The following ITGB3BP variants were observed in gnomAD, a reference collection of about 807,000 sequenced individuals.
ITGB3BP encodes integrin subunit beta 3 binding protein, also known as centromere protein R.
In ITGB3BP, 27 loss-of-function variants were observed where a neutral mutation model predicts 29.1. The observed-to-expected ratio is 0.93, with a 90% confidence interval of 0.68 to 1.28. The LOEUF (loss-of-function observed/expected upper bound fraction) is 1.28, where lower values mean the gene tolerates loss of function less well. ITGB3BP is among the 50% of genes most tolerant of loss of function. The pLI, the probability that ITGB3BP is intolerant of heterozygous loss-of-function variation, is 0.00. For missense variants in ITGB3BP, 192 were observed against 200.2 expected, an observed-to-expected ratio of 0.96 and a Z score of 0.25; for synonymous variants, 61 against 61.4, an observed-to-expected ratio of 0.99 and a Z score of 0.03.
intron 8 of ITGB3BP, among the ~76,000 whole-genome samples, chr1:63,445,072 G>A (rs761340995): frequency 6.6e-6 from 1 of 152,058 alleles, no homozygotes; most frequent in Non-Finnish European, 1.5e-5. Flanking sequence ...ATCACTTGAG[G>A]TTAGGAGTTC....
At position 63,454,500 on chromosome 1, in the gene ITGB3BP, T is replaced by A. The variant is rs1444216032; in HGVS notation, c.334-27A>T. On this transcript the variant is annotated intron_variant, in intron 5 of 8. Coordinates refer to ENST00000271002, the MANE Select transcript of ITGB3BP (RefSeq NM_014288.5). This position sits in a 1 kb window ranked among gnomAD's most constrained non-coding sequence, Gnocchi z 4.1. ...TACAAGAAAGTCATCTTGAATGAGT[T>A]AAGTTCTCTACACACATGAGATTAC... 3 of 1,156,776 alleles carry A rather than the reference T, an allele frequency of 2.6e-6. No homozygotes were observed. Among genetic ancestry groups the A allele is most frequent in the Non-Finnish European group, 3.9e-6 (3 of 776,198 alleles). The allele number at this position is 1,156,776 out of a possible 1,614,324, so 71.7% of individuals were successfully genotyped here.
chr1:63,473,454 C>T (rs1260393553), intron 4 of ITGB3BP, among the ~76,000 whole-genome samples: 1 of 144,648 alleles, frequency 6.9e-6, no homozygotes, highest in Non-Finnish European at 1.5e-5. Context: ...CGGCCAGTCG[C>T]CCCGTCCAGG....
Position 63,454,896 on chromosome 1 carries a change from A to G in ITGB3BP, c.327T>C (p.Ser109=), listed in dbSNP as rs370919021. 6 of 1,493,706 alleles carry G rather than the reference A, an allele frequency of 4.0e-6. No homozygotes were observed. The highest frequency in any genetic ancestry group is 5.6e-6 in the Non-Finnish European group (6 of 1,072,942). The allele number at this position is 1,493,706 out of a possible 1,614,324, so 92.5% of individuals were successfully genotyped here. A position where few individuals can be genotyped will look rare whatever the true frequency, so the allele number is the denominator to read the frequency against. The change falls in exon 5 of 9, where the codon AGT becomes AGC. Residue 109 remains serine, a synonymous_variant. Coordinates refer to ENST00000271002, the MANE Select transcript of ITGB3BP (RefSeq NM_014288.5). The surrounding 1 kb of genome is among the most constrained non-coding windows in gnomAD (Gnocchi z 4.1). ...EIMEIMQNLS[S]IQALEGSREL... is the part of the protein sequence containing the mutation. ...AGTATGAAAAAATGCAAACCTGTATACTACTTAAATTTTGCATTATCTCCA... is the reference window on the plus strand; with the variant it reads ...AGTATGAAAAAATGCAAACCTGTATGCTACTTAAATTTTGCATTATCTCCA...
chr1:63,519,964 C>T (rs1194758233), intron 1 of ITGB3BP, among the ~76,000 whole-genome samples: 1 of 152,082 alleles, frequency 6.6e-6, no homozygotes, highest in East Asian at 1.9e-4. Flanking sequence ...AACTTTATAG[C>T]TTTAGTTCAG....
At chr1:63,472,606 G>A (rs1464527406) in intron 4 of ITGB3BP, among the ~76,000 whole-genome samples, 11 of 149,930 alleles carry the variant, frequency 7.3e-5, no homozygotes, top group African/African-American at 2.2e-4. Context: ...GAGTGCCTGC[G>A]ATTGCAGGCG....
chr1:63,460,681 T>C (rs1645002321), intron 4 of ITGB3BP, among the ~76,000 whole-genome samples: 1 of 152,208 alleles, frequency 6.6e-6, no homozygotes, highest in African/African-American at 2.4e-5. Flanking sequence ...CTTGGTCTTA[T>C]GGTAATTATA....
chr1:63,496,891 G>A (rs541006252), intron 2 of ITGB3BP, among the ~76,000 whole-genome samples: 10 of 152,298 alleles, frequency 6.6e-5, no homozygotes, highest in Middle Eastern at 3.4e-3. Flanking sequence ...GGCCTAGAGA[G>A]GAACAAGGTT....
chr1:63,499,809 C>G (rs1645880199), intron 2 of ITGB3BP, among the ~76,000 whole-genome samples: 1 of 152,114 alleles, frequency 6.6e-6, no homozygotes, highest in South Asian at 2.1e-4. Context: ...TAAAAACACT[C>G]AACAGACTAG....
In ITGB3BP at chr1:63,454,438, A is replaced by C. The variant is rs1644904038; in HGVS notation, c.369T>G (p.Ile123Met). The change falls in exon 6 of 9, where the codon ATT becomes ATG. Residue 123 changes from isoleucine to methionine, a missense_variant. Physicochemically the swap from Ile to Met is conservative, Grantham distance 10. Transcript: ENST00000271002. The surrounding 1 kb of genome is among the most constrained non-coding windows in gnomAD (Gnocchi z 4.1). ...AGAAATGTGATGCACAGGAGATTCC[A>C]ATGAGATTTTCAAGCTCTCTACTGC... ...LEGSRELENL[I>M]GISCASHFLK... 1.9e-6 allele frequency: 3 copies of C among 1,602,744 alleles called. No homozygotes were observed. In the African/African-American group the frequency reaches 4.0e-5, roughly 22 times the overall value.
chr1:63,484,280 T>C (rs1645488621), intron 3 of ITGB3BP, among the ~76,000 whole-genome samples: 1 of 152,078 alleles, frequency 6.6e-6, no homozygotes. Flanking sequence ...TATATGCAAA[T>C]ACTATACTAT....
intron 1 of ITGB3BP, 103 bp downstream of exon 1, chr1:63,523,026 C>T: frequency 1.4e-6 from 2 of 1,412,074 alleles, no homozygotes; most frequent in Non-Finnish European, 2.0e-6. Flanking sequence ...CAAGTTCATA[C>T]TCCGAAAAAA....
At chr1:63,474,499 G>C (rs1645293726) in intron 4 of ITGB3BP, among the ~76,000 whole-genome samples, 2 of 151,272 alleles carry the variant, frequency 1.3e-5, no homozygotes, top group South Asian at 2.1e-4. Context: ...TGGTTGCCGG[G>C]TCTGTGTGGA....
At position 63,523,125 on chromosome 1, in the gene ITGB3BP, C is replaced by T. The variant is rs780080725; in HGVS notation, c.5+4G>A. ...ACAGCAATACCTGGGGAGGAGATAC[C>T]TACGGCATTCTGAGATTCGGGAAAG... On this transcript the variant is annotated splice_donor_region_variant and intron_variant, in intron 1 of 8. Transcript: ENST00000271002. 1 of 1,614,174 alleles carries T rather than the reference C, an allele frequency of 6.2e-7. No homozygotes were observed. Among genetic ancestry groups the T allele is most frequent in the Non-Finnish European group, 8.5e-7 (1 of 1,180,020 alleles).
At chr1:63,526,390 C>A (rs891138595), upstream of ITGB3BP, among the ~76,000 whole-genome samples, 1 of 152,126 alleles carries the variant, frequency 6.6e-6, no homozygotes, top group Non-Finnish European at 1.5e-5. Context: ...ATAACACTGA[C>A]TACTCATGTC....
At chr1:63,443,012 T>C (rs1644748414) in intron 8 of ITGB3BP, 1 of 152,292 alleles carries the variant, frequency 6.6e-6, no homozygotes, top group Non-Finnish European at 1.5e-5. Flanking sequence ...TTCTCTCTTA[T>C]TCTAGCATTG....
At chr1:63,441,443 G>A (rs927684443) in intron 8 of ITGB3BP, among the ~76,000 whole-genome samples, 4 of 151,996 alleles carry the variant, frequency 2.6e-5, no homozygotes, top group Non-Finnish European at 4.4e-5. Flanking sequence ...TCACTATGTT[G>A]GCCAGGCTGG....
intron 4 of ITGB3BP, among the ~76,000 whole-genome samples, chr1:63,466,208 C>T (rs577089549): frequency 6.6e-6 from 1 of 152,188 alleles, no homozygotes; most frequent in Non-Finnish European, 1.5e-5. Flanking sequence ...AAGACAGAGA[C>T]AATTTTGTTT....
chr1:63,522,988 G>T (rs753904838), intron 1 of ITGB3BP, 141 bp downstream of exon 1: 1 of 945,674 alleles, frequency 1.1e-6, no homozygotes, highest in Non-Finnish European at 1.8e-6. Flanking sequence ...GGTACCAAGC[G>T]AAGGGAATTG....
chr1:63,500,153 G>A (rs574688174), intron 2 of ITGB3BP, among the ~76,000 whole-genome samples: 6 of 152,274 alleles, frequency 3.9e-5, no homozygotes, highest in East Asian at 1.9e-4. Flanking sequence ...CCAGACGGGC[G>A]GATCACCTGA....
Sources: allele counts gnomAD v4.1 joint callset (sites outside exome capture counted in the v4.1 genomes callset), GRCh38; gene constraint gnomAD v4.1.1; non-coding constraint Gnocchi (gnomAD v3.1); transcripts MANE v1.5; gene names NCBI Gene and HGNC (gene_info 2026-07-23, HGNC 2026-07-21).